The following ZNF512 variants were observed in gnomAD, a reference collection of about 807,000 sequenced individuals.
The protein encoded by ZNF512 is zinc finger protein 512.
Under a neutral mutation model 77.5 loss-of-function variants are expected in ZNF512, and 25 were observed. The observed-to-expected ratio is 0.32, with a 90% CI of 0.23 to 0.45. The LOEUF (loss-of-function observed/expected upper bound fraction) is 0.45. Ranked by LOEUF, ZNF512 falls within the 20% of genes least tolerant of loss-of-function variation. ZNF512 has a pLI of 1.00. For synonymous variants in ZNF512, 246 were observed against 239.9 expected (o/e 1.03, Z -0.24); for missense variants, 483 against 692.6 (o/e 0.70, Z 3.40).
Position 27,621,181 on chromosome 2 carries a change from C to T in ZNF512, c.1424C>T (p.Thr475Ile). The change falls in exon 14 of 14, where the codon ACC (threonine) becomes ATC (isoleucine). Residue 475 changes from threonine to isoleucine, a missense_variant. Thr to Ile is a moderately conservative substitution (Grantham distance 89). This residue lies in a region of ZNF512 where 324 missense variants were observed against 525.0 expected (regional missense o/e 0.62). Coordinates refer to ENST00000355467, the MANE Select transcript of ZNF512 (RefSeq NM_032434.4). ...EDWFVVNPTTTKSFEKLMKIK... is the reference protein window; with the variant it reads ...EDWFVVNPTTIKSFEKLMKIK... ...TGGTTCGTTGTAAACCCAACAACAA[C>T]CAAAAGCTTTGAAAAGCTGATGAAG... 6.2e-7 allele frequency: 1 copy of T among 1,613,934 alleles called. No individual in the cohort carries two copies. The highest frequency in any genetic ancestry group is 8.5e-7 in the Non-Finnish European group (1 of 1,179,988).
At position 27,600,722 on chromosome 2, in the gene ZNF512, C is replaced by T. The variant is rs1198916858; in HGVS notation, c.489C>T (p.Ile163=). The T allele has an allele frequency of 4.3e-6, 7 of 1,613,732 alleles. No individual in the cohort carries two copies. Among genetic ancestry groups the T allele is most frequent in the South Asian group, 2.2e-5 (2 of 91,040 alleles). ...TGGAGGAGCAATGGTACTTAGAAAT[C>T]GTTGATAAAGGCAGTGTCTCCTGCC... ...GSLEEQWYLE[I]VDKGSVSCPT... Residue 163 remains isoleucine (I), a synonymous_variant, in exon 6 of 14, where the codon ATC becomes ATT. Coordinates refer to ENST00000355467, the MANE Select transcript of ZNF512 (RefSeq NM_032434.4).
chr2:27,621,107 T>G, intron 13 of ZNF512, 46 bp from the exon 14 acceptor site: 1 of 1,579,880 alleles, frequency 6.3e-7, no homozygotes, highest in Non-Finnish European at 8.6e-7. Context: ...CTTTATGTTC[T>G]TCACTATATT....
chr2:27,593,246 A>AC (rs1558465769), intron 2 of ZNF512, among the ~76,000 whole-genome samples: 2,491 of 141,172 alleles, frequency 0.018, 74 homozygotes, highest in African/African-American at 0.061. Flanking sequence ...ACACACACAC[A>AC]AAAGAATGAG....
intron 9 of ZNF512, 34 bp from the exon 10 acceptor site, chr2:27,607,811 C>T (rs774468759): frequency 1.2e-6 from 2 of 1,608,076 alleles, no homozygotes; most frequent in Middle Eastern, 1.7e-4. Context: ...TGCCACTTAT[C>T]AGGCCTGTGT....
At chr2:27,593,339 C>T (rs1671688131) in intron 2 of ZNF512, among the ~76,000 whole-genome samples, 1 of 147,230 alleles carries the variant, frequency 6.8e-6, no homozygotes, top group African/African-American at 2.5e-5. Context: ...GAGGTGGAGG[C>T]TGTGCTTGAG....
chr2:27,616,447 G>C, intron 12 of ZNF512, 123 bp downstream of exon 12: 1 of 737,272 alleles, frequency 1.4e-6, no homozygotes, highest in Non-Finnish European at 2.3e-6. Flanking sequence ...GGCTGCTTTA[G>C]ATTTTTATGT....
intron 13 of ZNF512, among the ~76,000 whole-genome samples, chr2:27,619,581 A>G (rs1673035658): frequency 6.6e-6 from 1 of 151,998 alleles, no homozygotes; most frequent in Admixed American, 6.5e-5. Flanking sequence ...TGTGGGTGGT[A>G]AAACATCTTT....
In ZNF512 at chr2:27,618,193, T is replaced by C. The variant is rs557658947; in HGVS notation, c.1395+622T>C. On this transcript the variant is annotated intron_variant, in intron 13 of 13. Coordinates refer to ENST00000355467, the MANE Select transcript of ZNF512 (RefSeq NM_032434.4). ...CCTTGGCCTCCCAAAGTGCTAGGAT[T>C]ACAGGTGTGAGCCACCATGCCCGGC... is the stretch of plus-strand genomic sequence containing the variant. Among the ~76,000 whole-genome samples the C allele has an allele frequency of 8.5e-5, 13 of 152,314 alleles. No homozygotes were observed. In the East Asian group the frequency reaches 2.5e-3, roughly 29 times the overall value.
In ZNF512 at chr2:27,599,662, G is replaced by A; in HGVS notation, c.357G>A (p.Lys119=). ...AAGACTATCGAGAATTTCCTCAGAA[G>A]AAGCATAAGCTTTATGGTAAGGCAG... ...EDEDYREFPQ[K]KHKLYGRKQR... The change falls in exon 4 of 14, where the codon AAG becomes AAA. Residue 119 remains lysine (K), a synonymous_variant. Transcript: ENST00000355467. 6.2e-7 allele frequency: 1 copy of A among 1,614,166 alleles called. No individual in the cohort carries two copies. The highest frequency in any genetic ancestry group is 1.1e-5 in the South Asian group (1 of 91,088).
At chr2:27,591,529 C>T (rs1671579078) in intron 2 of ZNF512, among the ~76,000 whole-genome samples, 2 of 152,100 alleles carry the variant, frequency 1.3e-5, no homozygotes, top group African/African-American at 4.8e-5. Context: ...TTTCTCCTGC[C>T]TCAGCCTCCC....
chr2:27,589,849 A>AT (rs940282825), intron 2 of ZNF512, among the ~76,000 whole-genome samples: 6 of 152,050 alleles, frequency 3.9e-5, no homozygotes, highest in Non-Finnish European at 7.4e-5. Context: ...AGATATTTGG[A>AT]TTTTTTGTGT....
At position 27,597,918 on chromosome 2, in the gene ZNF512, ATTG is replaced by A; in HGVS notation, c.90-146_90-144del. On this transcript the variant is annotated intron_variant, in intron 2 of 13. Coordinates refer to ENST00000355467, the MANE Select transcript of ZNF512 (RefSeq NM_032434.4). Reference sequence around the variant, plus strand: ...ATGTTGTGTTAGATCAACTATTGTTATTGTTAGGTGATTACAACTTACATTCTG... The same window carrying A: ...ATGTTGTGTTAGATCAACTATTGTTATTAGGTGATTACAACTTACATTCTG... The A allele has an allele frequency of 7.5e-6, 4 of 531,868 alleles. No individual in the cohort carries two copies. In the East Asian group the frequency reaches 1.1e-4, roughly 15 times the overall value. 32.9% of individuals were successfully genotyped at this position (531,868 alleles called of 1,614,324 possible). A position where few individuals can be genotyped will look rare whatever the true frequency, so the allele number is the denominator to read the frequency against.
chr2:27,596,457 G>A (rs1013070765), intron 2 of ZNF512, among the ~76,000 whole-genome samples: 2 of 152,112 alleles, frequency 1.3e-5, no homozygotes, highest in African/African-American at 2.4e-5. Context: ...GGTCCACAGG[G>A]ACCTTTTTTC....
intron 2 of ZNF512, among the ~76,000 whole-genome samples, chr2:27,595,797 C>G (rs1671841797): frequency 6.6e-6 from 1 of 152,094 alleles, no homozygotes; most frequent in Non-Finnish European, 1.5e-5. Context: ...ATGATTCCCA[C>G]CTTTTCCTTC....
chr2:27,600,757 A>G lies in ZNF512; in HGVS notation c.524A>G (p.Gln175Arg), dbSNP rs1319156893. 1.2e-6 allele frequency: 2 copies of G among 1,614,012 alleles called. No homozygotes were observed. Among genetic ancestry groups the G allele is most frequent in the Admixed American group, 1.7e-5 (1 of 59,994 alleles). ...GGCAGTGTCTCCTGCCCTACCTGCC[A>G]GGCAGTGGGGAGGAAGACCATAGAG... ...DKGSVSCPTC[Q>R]AVGRKTIEGL... is the part of the protein sequence containing the mutation. The change falls in exon 6 of 14, where the codon CAG (glutamine) becomes CGG (arginine). Residue 175 changes from glutamine (Q) to arginine (R), a missense_variant. Coordinates refer to ENST00000355467, the MANE Select transcript of ZNF512 (RefSeq NM_032434.4).
At chr2:27,589,985 C>G (rs1671502401) in intron 2 of ZNF512, among the ~76,000 whole-genome samples, 1 of 152,156 alleles carries the variant, frequency 6.6e-6, no homozygotes, top group Non-Finnish European at 1.5e-5. Context: ...TAAGATCTAG[C>G]TTAATGAATG....
chr2:27,583,686 A>G lies in ZNF512; in HGVS notation c.59A>G (p.Gln20Arg), dbSNP rs1347105734. The change falls in exon 2 of 14, where the codon CAG (glutamine) becomes CGG (arginine). Residue 20 changes from glutamine to arginine, a missense_variant. By Grantham distance (43) the Gln-to-Arg change is conservative. This residue lies in a region of ZNF512 where 159 missense variants were observed against 167.5 expected (regional missense o/e 0.95). Coordinates refer to ENST00000355467, the MANE Select transcript of ZNF512 (RefSeq NM_032434.4). ...TCGGGACCCACAACCTTTAAGCAGC[A>G]GAGGAGCACGAGGATCGTGGGAGCT... ...ATSGPTTFKQ[Q>R]RSTRIVGAKN... is the part of the protein sequence containing the mutation. The G allele has an allele frequency of 2.5e-6, 4 of 1,614,218 alleles. No homozygotes were observed. The South Asian group carries it at 3.3e-5, about 13-fold the overall frequency.
chr2:27,596,967 C>T (rs1290966557), intron 2 of ZNF512, among the ~76,000 whole-genome samples: 1 of 152,220 alleles, frequency 6.6e-6, no homozygotes, highest in Non-Finnish European at 1.5e-5. Flanking sequence ...GCTTGCTGAA[C>T]TGACATTGTG....
chr2:27,591,435 G>A (rs1330283127), intron 2 of ZNF512, among the ~76,000 whole-genome samples: 1 of 151,852 alleles, frequency 6.6e-6, no homozygotes, highest in Non-Finnish European at 1.5e-5. Context: ...TTATTATTTT[G>A]AGACAGAGTC....
Sources: allele counts gnomAD v4.1 joint callset (sites outside exome capture counted in the v4.1 genomes callset), GRCh38; gene constraint gnomAD v4.1.1; regional missense constraint gnomAD v4.1.1; transcripts MANE v1.5; gene names NCBI Gene and HGNC (gene_info 2026-07-23, HGNC 2026-07-21).